TTYH3: variants seen among roughly 807,000 people sequenced by gnomAD.
The protein encoded by TTYH3 is protein tweety homolog 3.
TTYH3 carries 23 observed loss-of-function variants against 68.2 expected under a neutral mutation model. The ratio of observed to expected loss-of-function variants is 0.34; its 90% CI spans 0.24 to 0.48. The LOEUF is 0.48. Ranked by LOEUF, TTYH3 falls within the 20% of genes least tolerant of loss-of-function variation. TTYH3 has a pLI of 0.99. For synonymous variants in TTYH3, 360 were observed against 332.8 expected (o/e 1.08, Z -0.89); for missense variants, 768 against 727.7 (o/e 1.06, Z -0.64).
intron 1 of TTYH3, among the ~76,000 whole-genome samples, chr7:2,636,706 T>A (rs1273149700): frequency 6.6e-6 from 1 of 152,126 alleles, no homozygotes; most frequent in Non-Finnish European, 1.5e-5. Flanking sequence ...CACTCAGGAT[T>A]TCCATCTTGG....
chr7:2,653,601 G>T lies in TTYH3; in HGVS notation c.1020+591G>T, dbSNP rs1423138436. 2.0e-5 allele frequency among the ~76,000 whole-genome samples: 3 copies of T among 152,192 alleles called. No individual in the cohort carries two copies. The South Asian group carries it at 6.2e-4, about 32-fold the overall frequency. On this transcript the variant is annotated intron_variant, in intron 9 of 13. Coordinates refer to ENST00000258796, the MANE Select transcript of TTYH3 (RefSeq NM_025250.3). The stretch of plus-strand genomic sequence containing the variant: ...ATAAAGGCCTGGCGCGGTGGCTCAC[G>T]CCTGTAATCCCAGCACTTTGGGAGG...
At position 2,664,524 on chromosome 7, in the gene TTYH3, C is replaced by T. The variant is rs544369645; in HGVS notation, c.*2785C>T. 2 of 151,718 alleles carry T rather than the reference C, an allele frequency of 1.3e-5. No homozygotes were observed. The highest frequency in any genetic ancestry group is 2.4e-5 in the African/African-American group (1 of 41,162). The allele number at this position is 151,718 out of a possible 1,614,324, so 9.4% of individuals were successfully genotyped here. On this transcript the variant is annotated 3_prime_UTR_variant, in exon 14 of 14. Coordinates refer to ENST00000258796, the MANE Select transcript of TTYH3 (RefSeq NM_025250.3). ...AGACTCAGCCTCCTGGTTTACCCCC[C>T]CGGCCTGGGCATCTGACCTCCCCCA...
intron 7 of TTYH3, among the ~76,000 whole-genome samples, chr7:2,650,666 G>C (rs1731002878): frequency 6.6e-6 from 1 of 152,080 alleles, no homozygotes; most frequent in South Asian, 2.1e-4. Context: ...ATGGAGGGTG[G>C]GAGGCCAGTG....
intron 10 of TTYH3, 58 bp from the exon 11 acceptor site, chr7:2,656,340 C>G (rs1037027728): frequency 1.3e-6 from 2 of 1,587,102 alleles, no homozygotes; most frequent in Non-Finnish European, 1.7e-6. Flanking sequence ...GAAGGTCTCA[C>G]GCTGCCCCCT....
In TTYH3 at chr7:2,647,181, C is replaced by A; in HGVS notation, c.333C>A (p.Thr111=). Residue 111 remains threonine (T), a synonymous_variant, in exon 3 of 14, where the codon ACC becomes ACA. Coordinates refer to ENST00000258796, the MANE Select transcript of TTYH3 (RefSeq NM_025250.3). The part of the protein sequence containing the change: ...IAVGFYGNGE[T]SDGIHRATYS... ...TGGGATTCTACGGCAACGGGGAGAC[C>A]AGTGATGGCATCCATAGGGCCACCT... The A allele has an allele frequency of 6.2e-7, 1 of 1,606,972 alleles. No homozygotes were observed. Among genetic ancestry groups the A allele is most frequent in the Middle Eastern group, 1.7e-4 (1 of 6,052 alleles).
Position 2,645,898 on chromosome 7 carries a change from C to A in TTYH3, c.124-955C>A, listed in dbSNP as rs563346788. On this transcript the variant is annotated intron_variant, in intron 1 of 13. Transcript: ENST00000258796. This position sits in a 1 kb window ranked among gnomAD's most constrained non-coding sequence, Gnocchi z 4.8. The stretch of plus-strand genomic sequence containing the variant: ...CTGCCAGGACTCAGGTAGGAGAGTT[C>A]TGGGCCTGAGACGGGGACGGGCTCT... 3.3e-4 allele frequency: 154 copies of A among 469,640 alleles called. 3 individuals carry two copies. Among genetic ancestry groups the A allele is most frequent in the South Asian group, 2.3e-3 (149 of 64,448 alleles). The allele number at this position is 469,640 out of a possible 1,614,324, so 29.1% of individuals were successfully genotyped here. A position where few individuals can be genotyped will look rare whatever the true frequency, so the allele number is the denominator to read the frequency against.
intron 9 of TTYH3, among the ~76,000 whole-genome samples, chr7:2,653,540 G>A (rs192610640): frequency 1.6e-4 from 25 of 152,184 alleles, no homozygotes; most frequent in East Asian, 1.2e-3. Flanking sequence ...TTCTGGGCCC[G>A]GGCATTTCTA....
Position 2,647,999 on chromosome 7 carries a change from A to G in TTYH3, c.667A>G (p.Ile223Val). The change falls in exon 5 of 14, where the codon ATC becomes GTC. Residue 223 changes from isoleucine (I) to valine (V), a missense_variant. Transcript: ENST00000258796. ...YLGLLLLDVI[I>V]CLLVLVGLIR... is the part of the protein sequence containing the mutation. ...GGGCCTGCTGCTGCTGGACGTCATC[A>G]TCTGCCTCCTGGTGCTGGTTGGCCT... is the stretch of plus-strand genomic sequence containing the variant. The G allele has an allele frequency of 6.2e-7, 1 of 1,610,982 alleles. No individual in the cohort carries two copies. Among genetic ancestry groups the G allele is most frequent in the Non-Finnish European group, 8.5e-7 (1 of 1,179,882 alleles).
intron 13 of TTYH3, chr7:2,660,487 G>T: frequency 1.0e-6 from 1 of 985,422 alleles, no homozygotes. Context: ...TCTCCCGCTG[G>T]CCCCACGGTG....
intron 9 of TTYH3, among the ~76,000 whole-genome samples, chr7:2,654,432 A>G (rs1203273365): frequency 2.6e-5 from 4 of 151,972 alleles, no homozygotes; most frequent in Non-Finnish European, 5.9e-5. Flanking sequence ...GTATATATAT[A>G]TAACATATAT....
chr7:2,658,989 A>G lies in TTYH3; in HGVS notation c.1474A>G (p.Ile492Val). ...QNPRCENTPL[I>V]GRESPPPSYT... ...CCCCCGCTGTGAGAACACCCCACTCATTGGGCGCGAGTCCCCGCCGCCCTC... is the reference window on the plus strand; with the variant it reads ...CCCCCGCTGTGAGAACACCCCACTCGTTGGGCGCGAGTCCCCGCCGCCCTC... Residue 492 changes from isoleucine (I) to valine (V), a missense_variant, in exon 13 of 14, where the codon ATT (isoleucine) becomes GTT (valine). Transcript: ENST00000258796. 1.2e-6 allele frequency: 2 copies of G among 1,614,020 alleles called. No individual in the cohort carries two copies. Among genetic ancestry groups the G allele is most frequent in the South Asian group, 1.1e-5 (1 of 91,080 alleles).
At chr7:2,640,183 C>CCA (rs1322793193) in intron 1 of TTYH3, among the ~76,000 whole-genome samples, 82 of 152,352 alleles carry the variant, frequency 5.4e-4, no homozygotes, top group South Asian at 2.7e-3. Context: ...GGGATCGTGG[C>CCA]CACTGCCTGT....
chr7:2,640,772 C>T (rs751451892), intron 1 of TTYH3, among the ~76,000 whole-genome samples: 5 of 122,524 alleles, frequency 4.1e-5, no homozygotes, highest in Non-Finnish European at 6.6e-5. Context: ...TGCTCGTGCA[C>T]GTCGTCTGCT....
intron 1 of TTYH3, among the ~76,000 whole-genome samples, chr7:2,641,790 C>A (rs1785853848): frequency 6.6e-6 from 1 of 152,242 alleles, no homozygotes; most frequent in African/African-American, 2.4e-5. Flanking sequence ...AGAGGCCAGG[C>A]TGGCCACGGC....
intron 5 of TTYH3, 199 bp downstream of exon 5, chr7:2,648,253 C>T: frequency 1.7e-6 from 1 of 576,260 alleles, no homozygotes. Context: ...GCCAGCATCC[C>T]AGCACACTTG....
chr7:2,649,662 TC>T, intron 6 of TTYH3, 23 bp downstream of exon 6: 10 of 1,586,184 alleles, frequency 6.3e-6, no homozygotes, highest in Non-Finnish European at 8.5e-6. Context: ...GGGGGTGAGG[TC>T]CCCGGCTGCT....
At chr7:2,654,476 TATACAC>T (rs930873416) in intron 9 of TTYH3, among the ~76,000 whole-genome samples, 4 of 136,388 alleles carry the variant, frequency 2.9e-5, no homozygotes, top group African/African-American at 1.2e-4. Flanking sequence ...AAATAAAAAT[TATACAC>T]ACACACACAC....
At position 2,645,409 on chromosome 7, in the gene TTYH3, C is replaced by T. The variant is rs1785953616; in HGVS notation, c.124-1444C>T. ...AGGAGAAGGGACAGCTCTGGGGCCA[C>T]GTTACCCTCCCTCCCCGCAGCGGGT... On this transcript the variant is annotated intron_variant, in intron 1 of 13. Transcript: ENST00000258796. This position sits in a 1 kb window ranked among gnomAD's most constrained non-coding sequence, Gnocchi z 4.8. 3 of 169,462 alleles carry T rather than the reference C, an allele frequency of 1.8e-5. No individual in the cohort carries two copies. The highest frequency in any genetic ancestry group is 2.6e-5 in the Non-Finnish European group (2 of 77,552). 10.5% of individuals were successfully genotyped at this position (169,462 alleles called of 1,614,324 possible). A position where few individuals can be genotyped will look rare whatever the true frequency, so the allele number is the denominator to read the frequency against.
intron 1 of TTYH3, among the ~76,000 whole-genome samples, chr7:2,637,104 C>T (rs917218392): frequency 6.6e-6 from 1 of 152,144 alleles, no homozygotes; most frequent in East Asian, 1.9e-4. Context: ...TGTGCGGGAC[C>T]CCCGCCTGCC....
Sources: allele counts gnomAD v4.1 joint callset (sites outside exome capture counted in the v4.1 genomes callset), GRCh38; gene constraint gnomAD v4.1.1; non-coding constraint Gnocchi (gnomAD v3.1); transcripts MANE v1.5; gene names NCBI Gene and HGNC (gene_info 2026-07-23, HGNC 2026-07-21).